EPHB1: variants seen among roughly 807,000 people sequenced by gnomAD.
The protein encoded by EPHB1 is EPH receptor B1.
EPHB1 carries 30 observed loss-of-function variants against 94.4 expected under a neutral mutation model. The observed-to-expected ratio is 0.32, with a 90% CI of 0.24 to 0.43. The LOEUF is 0.43. Ranked by LOEUF, EPHB1 falls within the 20% of genes least tolerant of loss-of-function variation. The probability of loss-of-function intolerance (pLI) is 1.00; values close to 1 mark genes in which losing one functional copy is unlikely to be tolerated. For missense variants in EPHB1, 1,055 were observed against 1,308.3 expected, an observed-to-expected ratio of 0.81 and a Z score of 2.99; for synonymous variants, 522 against 489.1, an observed-to-expected ratio of 1.07 and a Z score of -0.89.
intron 1 of EPHB1, among the ~76,000 whole-genome samples, chr3:134,811,546 C>G (rs910589280): frequency 1.3e-5 from 2 of 151,556 alleles, no homozygotes; most frequent in Admixed American, 1.3e-4. Flanking sequence ...GCCTAAGAAG[C>G]CTTTTTAAGA....
chr3:134,842,381 A>G lies in EPHB1; in HGVS notation c.58+46692A>G, dbSNP rs1441003232. ...TGGGCTCCTAGGAGACCTCCTTTAC[A>G]CCAGCCTCACCCCCTTCACTCTTCT... is the stretch of plus-strand genomic sequence containing the variant. On this transcript the variant is annotated intron_variant, in intron 1 of 15. Coordinates refer to ENST00000398015, the MANE Select transcript of EPHB1 (RefSeq NM_004441.5). 2.0e-5 allele frequency among the ~76,000 whole-genome samples: 3 copies of G among 152,302 alleles called. No homozygotes were observed. In the East Asian group the frequency reaches 5.8e-4, roughly 29 times the overall value.
chr3:134,895,106 A>G (rs756889903), intron 1 of EPHB1, among the ~76,000 whole-genome samples: 16 of 152,208 alleles, frequency 1.1e-4, no homozygotes, highest in Non-Finnish European at 2.4e-4. Context: ...GCAGTTTAAA[A>G]GATGTGATTT....
intron 3 of EPHB1, among the ~76,000 whole-genome samples, chr3:135,051,728 G>T (rs866171352): frequency 1.3e-5 from 2 of 152,180 alleles, no homozygotes; most frequent in African/African-American, 4.8e-5. Flanking sequence ...ACTTGACTTT[G>T]TACAGGACAA....
chr3:134,883,565 A>G (rs140554088), intron 1 of EPHB1, among the ~76,000 whole-genome samples: 1 of 152,334 alleles, frequency 6.6e-6, no homozygotes, highest in East Asian at 1.9e-4. Flanking sequence ...AGCCTCCCAG[A>G]AAGTTTAAGT....
At chr3:135,140,940 G>A (rs1353837608) in intron 5 of EPHB1, among the ~76,000 whole-genome samples, 1 of 152,332 alleles carries the variant, frequency 6.6e-6, no homozygotes, top group East Asian at 1.9e-4. Flanking sequence ...CTGAGCGGAT[G>A]TGAAAGATGG....
intron 2 of EPHB1, among the ~76,000 whole-genome samples, chr3:134,948,218 A>G (rs1489827566): frequency 6.6e-6 from 1 of 152,028 alleles, no homozygotes; most frequent in Non-Finnish European, 1.5e-5. Flanking sequence ...CCCACTCTAA[A>G]TGGGGTCACA....
chr3:135,200,701 GAC>G (rs138269829), intron 11 of EPHB1, among the ~76,000 whole-genome samples: 28 of 151,972 alleles, frequency 1.8e-4, no homozygotes, highest in Admixed American at 1.6e-3. Context: ...CAGACAGAAA[GAC>G]ACACACACAC....
At chr3:135,212,214 A>G (rs1943048800) in intron 12 of EPHB1, among the ~76,000 whole-genome samples, 1 of 152,138 alleles carries the variant, frequency 6.6e-6, no homozygotes, top group African/African-American at 2.4e-5. Flanking sequence ...TTTATCATTC[A>G]TAAGCATATT....
At chr3:134,870,104 G>T (rs2037467771) in intron 1 of EPHB1, among the ~76,000 whole-genome samples, 1 of 152,182 alleles carries the variant, frequency 6.6e-6, no homozygotes, top group Non-Finnish European at 1.5e-5. Flanking sequence ...CTTTTGGATG[G>T]CTGGCATAGA....
At chr3:134,816,091 T>G (rs1395890646) in intron 1 of EPHB1, among the ~76,000 whole-genome samples, 5 of 149,192 alleles carry the variant, frequency 3.4e-5, no homozygotes, top group African/African-American at 4.9e-5. Flanking sequence ...CTGTTTTTTT[T>G]TTTTTTTTTG....
intron 3 of EPHB1, among the ~76,000 whole-genome samples, chr3:135,070,027 C>T (rs1214107649): frequency 6.6e-6 from 1 of 152,146 alleles, no homozygotes; most frequent in East Asian, 1.9e-4. Flanking sequence ...GGGGGATGTG[C>T]TATGCAGCTT....
At chr3:135,128,556 G>C (rs144584522) in intron 4 of EPHB1, among the ~76,000 whole-genome samples, 2 of 152,164 alleles carry the variant, frequency 1.3e-5, no homozygotes, top group African/African-American at 4.8e-5. Context: ...GCCCTGGAGC[G>C]GGCCTCATGG....
intron 1 of EPHB1, among the ~76,000 whole-genome samples, chr3:134,901,515 G>A (rs1048983209): frequency 2.6e-5 from 4 of 152,242 alleles, no homozygotes; most frequent in Non-Finnish European, 5.9e-5. Context: ...ACACCTGGAG[G>A]CTTGGGCAGG....
chr3:134,943,292 C>T (rs1441255305), intron 2 of EPHB1, among the ~76,000 whole-genome samples: 3 of 152,208 alleles, frequency 2.0e-5, no homozygotes, highest in South Asian at 2.1e-4. Context: ...TCAGCAACAA[C>T]ATCGAGGGGC....
intron 4 of EPHB1, among the ~76,000 whole-genome samples, chr3:135,124,900 G>A (rs577704562): frequency 1.3e-5 from 2 of 151,722 alleles, no homozygotes; most frequent in African/African-American, 4.9e-5. Context: ...CTTGCGGTGA[G>A]ACAGGCATCA....
chr3:135,004,531 C>T (rs1230198752), intron 3 of EPHB1, among the ~76,000 whole-genome samples: 1 of 152,192 alleles, frequency 6.6e-6, no homozygotes, highest in African/African-American at 2.4e-5. Flanking sequence ...GGAAGTTCTC[C>T]TGGATAATAT....
chr3:135,051,452 A>C (rs988970827), intron 3 of EPHB1, among the ~76,000 whole-genome samples: 107 of 152,324 alleles, frequency 7.0e-4, no homozygotes, highest in African/African-American at 2.4e-3. Flanking sequence ...CTATCACTCT[A>C]TTAATAACTT....
chr3:135,194,844 C>T (rs1181710816), intron 11 of EPHB1, among the ~76,000 whole-genome samples: 7 of 152,144 alleles, frequency 4.6e-5, no homozygotes, highest in Non-Finnish European at 7.3e-5. Flanking sequence ...ACACAGTGCA[C>T]ACCTGGTAAA....
intron 10 of EPHB1, among the ~76,000 whole-genome samples, chr3:135,184,879 C>T (rs1197522761): frequency 3.3e-5 from 5 of 152,140 alleles, no homozygotes; most frequent in African/African-American, 4.8e-5. Flanking sequence ...AGGTCAACTC[C>T]AATGCATTGG....
Sources: gnomAD v4.1 joint callset for allele counts (sites outside exome capture counted in the v4.1 genomes callset) on GRCh38, gnomAD v4.1.1 for gene constraint, MANE v1.5 for transcripts, NCBI Gene and HGNC (gene_info 2026-07-23, HGNC 2026-07-21) for gene names.